SLC25A39: variants seen among roughly 807,000 people sequenced by gnomAD.
The protein encoded by SLC25A39 is solute carrier family 25 member 39.
In SLC25A39, 44 loss-of-function variants were observed where a neutral mutation model predicts 46.6. That is an observed-to-expected ratio of 0.94 (90% CI 0.74 to 1.21). The LOEUF (loss-of-function observed/expected upper bound fraction) is 1.21. SLC25A39 is among the 50% of genes most tolerant of loss of function. The pLI is 0.00. For missense variants in SLC25A39, 487 were observed against 473.0 expected (o/e 1.03, Z -0.28); for synonymous variants, 218 against 190.6 (o/e 1.14, Z -1.19).
chr17:44,323,628 A>G, intron 1 of SLC25A39, 51 bp from the exon 2 acceptor site: 5 of 1,344,406 alleles, frequency 3.7e-6, no homozygotes, highest in Non-Finnish European at 5.1e-6. Flanking sequence ...GCAGGAAAGG[A>G]GGCTGGGCCA....
rs1567874511 is a variant in SLC25A39, at chr17:44,324,804, A to T, written c.-109T>A. 2 of 151,958 alleles carry T rather than the reference A, an allele frequency of 1.3e-5. No homozygotes were observed. The highest frequency in any genetic ancestry group is 2.9e-5 in the Non-Finnish European group (2 of 68,000). 9.4% of individuals were successfully genotyped at this position (151,958 alleles called of 1,614,324 possible). A position where few individuals can be genotyped will look rare whatever the true frequency, so the allele number is the denominator to read the frequency against. ...CTGTGCGCGGTCCGCGCGCGCTCGC[A>T]GCGCACCTAGGCCGACGCCGAAAGC... On this transcript the variant is annotated 5_prime_UTR_variant, in exon 1 of 12. Transcript: ENST00000377095.
Position 44,320,427 on chromosome 17 carries a change from C to T in SLC25A39, c.811G>A (p.Val271Met). 1 of 1,613,586 alleles carries T rather than the reference C, an allele frequency of 6.2e-7. No homozygotes were observed. The highest frequency in any genetic ancestry group is 8.5e-7 in the Non-Finnish European group (1 of 1,180,030). ...AGGISGTVAA[V>M]LTLPFDVVKT... ...ACCACGTCAAAGGGTAGAGTCAGCACTGCAGCCACCTGGTGGGGTGGGCGG... is the reference window on the plus strand; with the variant it reads ...ACCACGTCAAAGGGTAGAGTCAGCATTGCAGCCACCTGGTGGGGTGGGCGG... Residue 271 changes from valine (V) to methionine (M), a missense_variant, in exon 10 of 12, where the codon GTG becomes ATG. Physicochemically the swap from Val to Met is conservative, Grantham distance 21. Coordinates refer to ENST00000377095, the MANE Select transcript of SLC25A39 (RefSeq NM_001143780.3).
At position 44,321,164 on chromosome 17, in the gene SLC25A39, C is replaced by A. The variant is rs757624318; in HGVS notation, c.585G>T (p.Ser195=). 7 of 1,613,040 alleles carry A rather than the reference C, an allele frequency of 4.3e-6. No homozygotes were observed. In the South Asian group the frequency reaches 7.7e-5, roughly 18 times the overall value. ...GAACACAGGCACCCAGCTCCCGGTA[C>A]GACACATGCTGAGCCTGCAGCTTTG... ...MRTKLQAQHV[S]YRELGACVRT... The change falls in exon 8 of 12, where the codon TCG becomes TCT. Residue 195 remains serine (S), a synonymous_variant. Coordinates refer to ENST00000377095, the MANE Select transcript of SLC25A39 (RefSeq NM_001143780.3).
chr17:44,321,169 C>A lies in SLC25A39; in HGVS notation c.580G>T (p.Val194Leu). The change falls in exon 8 of 12, where the codon GTG becomes TTG. Residue 194 changes from valine to leucine, a missense_variant. Transcript: ENST00000377095. ...CAGGCACCCAGCTCCCGGTACGACACATGCTGAGCCTGCAGCTTTGTCCGC... is the reference window on the plus strand; with the variant it reads ...CAGGCACCCAGCTCCCGGTACGACAAATGCTGAGCCTGCAGCTTTGTCCGC... ...LMRTKLQAQH[V>L]SYRELGACVR... The A allele has an allele frequency of 6.2e-6, 10 of 1,613,224 alleles. No individual in the cohort carries two copies. The highest frequency in any genetic ancestry group is 8.5e-6 in the Non-Finnish European group (10 of 1,179,964).
chr17:44,320,060 A>G lies in SLC25A39; in HGVS notation c.1021T>C (p.Tyr341His). ...APSCAIMISTYEFGKSFFQRL... is the reference protein window; with the variant it reads ...APSCAIMISTHEFGKSFFQRL... ...TGGAAGAAGCTTTTGCCGAACTCATAGGTGCTGATCATGATGGCACAGGAG... is the reference window on the plus strand; with the variant it reads ...TGGAAGAAGCTTTTGCCGAACTCATGGGTGCTGATCATGATGGCACAGGAG... Residue 341 changes from tyrosine (Y) to histidine (H), a missense_variant, in exon 12 of 12, where the codon TAT becomes CAT. Transcript: ENST00000377095. The G allele has an allele frequency of 1.2e-6, 2 of 1,613,994 alleles. No homozygotes were observed. Among genetic ancestry groups the G allele is most frequent in the Non-Finnish European group, 1.7e-6 (2 of 1,180,002 alleles).
Position 44,319,776 on chromosome 17 carries a change from G to T in SLC25A39, c.*225C>A. 2 of 544,630 alleles carry T rather than the reference G, an allele frequency of 3.7e-6. No individual in the cohort carries two copies. The highest frequency in any genetic ancestry group is 5.0e-4 in the Middle Eastern group (1 of 2,000). The allele number at this position is 544,630 out of a possible 1,614,324, so 33.7% of individuals were successfully genotyped here. On this transcript the variant is annotated 3_prime_UTR_variant, in exon 12 of 12. Coordinates refer to ENST00000377095, the MANE Select transcript of SLC25A39 (RefSeq NM_001143780.3). ...AGCTGGAAGATTTGGTCTTGAACTT[G>T]GGGGGTGGGTAAGTGATGATCCCCA...
In SLC25A39 at chr17:44,322,291, G is replaced by A. The variant is rs549465690; in HGVS notation, c.324+128C>T. ...CATGGAGGTACTGCCTTCTCCGGAA[G>A]CACTTCCTGACGGAACCGGCTACCT... On this transcript the variant is annotated intron_variant, in intron 5 of 11. Transcript: ENST00000377095. 2.5e-4 allele frequency: 245 copies of A among 975,872 alleles called. 2 individuals are homozygous for A. In the South Asian group the frequency reaches 3.4e-3, roughly 14 times the overall value. 60.5% of individuals were successfully genotyped at this position (975,872 alleles called of 1,614,324 possible). A position where few individuals can be genotyped will look rare whatever the true frequency, so the allele number is the denominator to read the frequency against.
At position 44,319,778 on chromosome 17, in the gene SLC25A39, G is replaced by T. The variant is rs957242881; in HGVS notation, c.*223C>A. 5 of 554,012 alleles carry T rather than the reference G, an allele frequency of 9.0e-6. No homozygotes were observed. The Admixed American group carries it at 9.3e-5, about 10-fold the overall frequency. The allele number at this position is 554,012 out of a possible 1,614,324, so 34.3% of individuals were successfully genotyped here. A position where few individuals can be genotyped will look rare whatever the true frequency, so the allele number is the denominator to read the frequency against. On this transcript the variant is annotated 3_prime_UTR_variant, in exon 12 of 12. Coordinates refer to ENST00000377095, the MANE Select transcript of SLC25A39 (RefSeq NM_001143780.3). ...CTGGAAGATTTGGTCTTGAACTTGG[G>T]GGGTGGGTAAGTGATGATCCCCACG...
intron 10 of SLC25A39, 36 bp downstream of exon 10, chr17:44,320,319 C>G (rs1285997121): frequency 1.3e-5 from 21 of 1,613,334 alleles, no homozygotes; most frequent in Non-Finnish European, 1.5e-5. Flanking sequence ...ATTCAGGACC[C>G]CACCTGTCCC....
At chr17:44,323,440 T>TGGC in intron 2 of SLC25A39, 38 bp downstream of exon 2, 1 of 341,554 alleles carries the variant, frequency 2.9e-6, no homozygotes, top group Non-Finnish European at 4.4e-6. Flanking sequence ...GTCTGCCCCA[T>TGGC]CCCCACCCGC....
At position 44,320,044 on chromosome 17, in the gene SLC25A39, C is replaced by G; in HGVS notation, c.1037G>C (p.Ser346Thr). ...GTCCTGGTTCAGCCTCTGGAAGAAG[C>G]TTTTGCCGAACTCATAGGTGCTGAT... ...IMISTYEFGK[S>T]FFQRLNQDRL... The change falls in exon 12 of 12, where the codon AGC (serine) becomes ACC (threonine). Residue 346 changes from serine (S) to threonine (T), a missense_variant. Transcript: ENST00000377095. 6.2e-7 allele frequency: 1 copy of G among 1,614,050 alleles called. No homozygotes were observed. Among genetic ancestry groups the G allele is most frequent in the Non-Finnish European group, 8.5e-7 (1 of 1,180,028 alleles).
rs1006341620 is a variant in SLC25A39, at chr17:44,320,338, G to C, written c.883+17C>G. 1.9e-6 allele frequency: 3 copies of C among 1,613,360 alleles called. No homozygotes were observed. The African/African-American group carries it at 4.0e-5, about 22-fold the overall frequency. On this transcript the variant is annotated intron_variant, in intron 10 of 11. Coordinates refer to ENST00000377095, the MANE Select transcript of SLC25A39 (RefSeq NM_001143780.3). ...AGGACCCCACCTGTCCCCTGCCACG[G>C]CAATCTGGGCCCTCACCTCTCACAG...
At chr17:44,322,092 T>C (rs1317208034) in intron 5 of SLC25A39, among the ~76,000 whole-genome samples, 1 of 152,012 alleles carries the variant, frequency 6.6e-6, no homozygotes, top group Non-Finnish European at 1.5e-5. Flanking sequence ...CTACTAAAAA[T>C]ACAAAAATTA....
At chr17:44,320,808 C>T in intron 8 of SLC25A39, 77 bp from the exon 9 acceptor site, 1 of 1,153,702 alleles carries the variant, frequency 8.7e-7, no homozygotes, top group Non-Finnish European at 1.3e-6. Flanking sequence ...TTCACTGCCA[C>T]CACTCCCTCC....
intron 9 of SLC25A39, 28 bp from the exon 10 acceptor site, chr17:44,320,464 A>G: frequency 6.2e-7 from 1 of 1,612,244 alleles, no homozygotes; most frequent in Non-Finnish European, 8.5e-7. Flanking sequence ...GAGAGGGCTC[A>G]GCTCCACTTC....
rs766620443 is a variant in SLC25A39, at chr17:44,321,690, G to A, written c.392+10C>T. 5.6e-6 allele frequency: 9 copies of A among 1,610,720 alleles called. No homozygotes were observed. Among genetic ancestry groups the A allele is most frequent in the South Asian group, 3.3e-5 (3 of 90,780 alleles). ...ACCAGAGGAGAGTGGTGCAGGACCC[G>A]GCTACTCACAGGGTGGCGGGGAGGC... On this transcript the variant is annotated intron_variant, in intron 6 of 11. Coordinates refer to ENST00000377095, the MANE Select transcript of SLC25A39 (RefSeq NM_001143780.3).
Position 44,320,456 on chromosome 17 carries a change from G to A in SLC25A39, c.802-20C>T. On this transcript the variant is annotated intron_variant, in intron 9 of 11. Coordinates refer to ENST00000377095, the MANE Select transcript of SLC25A39 (RefSeq NM_001143780.3). ...AGCCACCTGGTGGGGTGGGCGGGGA[G>A]AGGGCTCAGCTCCACTTCCTGGACC... 1 of 1,613,204 alleles carries A rather than the reference G, an allele frequency of 6.2e-7. No homozygotes were observed. The highest frequency in any genetic ancestry group is 8.5e-7 in the Non-Finnish European group (1 of 1,179,848).
Position 44,320,111 on chromosome 17 carries a change from G to A in SLC25A39, c.970C>T (p.Leu324Phe), listed in dbSNP as rs747754250. The A allele has an allele frequency of 1.9e-6, 3 of 1,614,078 alleles. No individual in the cohort carries two copies. The highest frequency in any genetic ancestry group is 2.5e-6 in the Non-Finnish European group (3 of 1,180,012). ...SGTKGLFAGF[L>F]PRIIKAAPSC... ...GGGGCAGCCTTGATGATCCGAGGAA[G>A]GAAGCCTGCAGTGGAAAGGAGGCCC... The change falls in exon 12 of 12, where the codon CTT (leucine) becomes TTT (phenylalanine). Residue 324 changes from leucine (L) to phenylalanine (F), a missense_variant. Transcript: ENST00000377095.
Position 44,323,356 on chromosome 17 carries a change from G to A in SLC25A39, c.86-13C>T, listed in dbSNP as rs776078271. The A allele has an allele frequency of 6.2e-7, 1 of 1,608,942 alleles. No homozygotes were observed. Among genetic ancestry groups the A allele is most frequent in the Admixed American group, 1.7e-5 (1 of 59,568 alleles). ...TCCAGGGGTGTCACTGGGGGAGGAA[G>A]CGGGTCTGAAGGCTCCTTTCAGGAC... On this transcript the variant is annotated splice_polypyrimidine_tract_variant and intron_variant, in intron 2 of 11. Coordinates refer to ENST00000377095, the MANE Select transcript of SLC25A39 (RefSeq NM_001143780.3).
Sources: allele counts gnomAD v4.1 joint callset (sites outside exome capture counted in the v4.1 genomes callset), GRCh38; gene constraint gnomAD v4.1.1; transcripts MANE v1.5; gene names NCBI Gene and HGNC (gene_info 2026-07-23, HGNC 2026-07-21).